Variants in HMG20A observed in about 807,000 individuals in gnomAD.
HMG20A encodes the protein high mobility group protein 20A.
A neutral mutation model predicts 43.9 loss-of-function variants in HMG20A; 17 were observed. That is an observed-to-expected ratio of 0.39 (90% CI 0.27 to 0.58). HMG20A has a LOEUF of 0.58. HMG20A is among the 20% of genes least tolerant of loss of function. The probability of loss-of-function intolerance (pLI) is 0.59; values close to 1 mark genes in which losing one functional copy is unlikely to be tolerated. For missense variants in HMG20A, 341 were observed against 438.2 expected (o/e 0.78, Z 1.98); for synonymous variants, 132 against 147.5 (o/e 0.89, Z 0.76).
intron 1 of HMG20A, among the ~76,000 whole-genome samples, chr15:77,442,086 T>C (rs2142295325): frequency 6.6e-6 from 1 of 152,350 alleles, no homozygotes; most frequent in East Asian, 1.9e-4. Context: ...AGCTTGTTAC[T>C]TTTCCTGCCA....
At chr15:77,468,990 C>T (rs2072782534) in intron 4 of HMG20A, among the ~76,000 whole-genome samples, 1 of 151,828 alleles carries the variant, frequency 6.6e-6, no homozygotes, top group African/African-American at 2.4e-5. Flanking sequence ...CCTTCTGCTT[C>T]CCCCGCTGCT....
chr15:77,450,824 A>AG (rs2073728880), intron 1 of HMG20A, among the ~76,000 whole-genome samples: 1 of 152,228 alleles, frequency 6.6e-6, no homozygotes, highest in Non-Finnish European at 1.5e-5. Context: ...CATACAATGA[A>AG]GGAGAGTTCT....
chr15:77,501,447 G>A, the HMG20A span, among the ~76,000 whole-genome samples: 1 of 152,188 alleles, frequency 6.6e-6, no homozygotes, highest in Non-Finnish European at 1.5e-5. Context: ...CTCGGCTTCT[G>A]CCATCACAGT....
intron 6 of HMG20A, among the ~76,000 whole-genome samples, chr15:77,473,651 T>G (rs2142352119): frequency 6.6e-6 from 1 of 152,368 alleles, no homozygotes; most frequent in East Asian, 1.9e-4. Context: ...TCATAGAACC[T>G]GCTGCTGATT....
chr15:77,440,667 A>G (rs1460196035), intron 1 of HMG20A, among the ~76,000 whole-genome samples: 1 of 152,186 alleles, frequency 6.6e-6, no homozygotes, highest in African/African-American at 2.4e-5. Flanking sequence ...CACTGTATTC[A>G]GGGGAAGGAA....
intron 1 of HMG20A, among the ~76,000 whole-genome samples, chr15:77,440,657 C>T (rs1310190136): frequency 6.6e-6 from 1 of 152,144 alleles, no homozygotes; most frequent in African/African-American, 2.4e-5. Context: ...CTTCCACAGT[C>T]ACTGTATTCA....
chr15:77,509,856 G>A, the HMG20A span, among the ~76,000 whole-genome samples: 1 of 150,802 alleles, frequency 6.6e-6, no homozygotes, highest in South Asian at 2.1e-4. Context: ...GCAGTGAGCA[G>A]AGATTGCACC....
intron 1 of HMG20A, among the ~76,000 whole-genome samples, chr15:77,428,095 T>C (rs1055483288): frequency 4.6e-5 from 7 of 152,242 alleles, no homozygotes; most frequent in African/African-American, 1.7e-4. Context: ...CCTGTGTTCA[T>C]AATGAAGCAT....
the HMG20A span, among the ~76,000 whole-genome samples, chr15:77,502,720 C>T: frequency 6.6e-6 from 1 of 152,222 alleles, no homozygotes; most frequent in East Asian, 1.9e-4. Flanking sequence ...GTAATCCCAG[C>T]ACTTCGAGAG....
chr15:77,451,396 C>T (rs1039851207), intron 1 of HMG20A, among the ~76,000 whole-genome samples: 3 of 152,088 alleles, frequency 2.0e-5, no homozygotes, highest in African/African-American at 7.2e-5. Context: ...AGGAGAGTTC[C>T]TGTTGCTCCG....
At chr15:77,443,373 G>T (rs76405547) in intron 1 of HMG20A, among the ~76,000 whole-genome samples, 8,921 of 121,656 alleles carry the variant, frequency 0.073, 353 homozygotes, top group Middle Eastern at 0.11. Flanking sequence ...TGATGATGAT[G>T]ATGATGATTA....
At chr15:77,429,537 A>G (rs2073462762) in intron 1 of HMG20A, among the ~76,000 whole-genome samples, 1 of 152,220 alleles carries the variant, frequency 6.6e-6, no homozygotes, top group African/African-American at 2.4e-5. Flanking sequence ...TGGCTTAATA[A>G]CAGTAGCAGT....
chr15:77,437,973 T>A (rs1238799738), intron 1 of HMG20A, among the ~76,000 whole-genome samples: 3 of 151,838 alleles, frequency 2.0e-5, no homozygotes, highest in Admixed American at 6.6e-5. Flanking sequence ...TTTGTTCGTT[T>A]TTTTGAGACA....
chr15:77,452,995 G>A (rs2072618505), intron 1 of HMG20A, among the ~76,000 whole-genome samples: 1 of 152,200 alleles, frequency 6.6e-6, no homozygotes, highest in African/African-American at 2.4e-5. Context: ...GGGAGACTGA[G>A]GTGGGTGGCA....
At chr15:77,505,876 T>C in the HMG20A span, among the ~76,000 whole-genome samples, 2 of 152,212 alleles carry the variant, frequency 1.3e-5, no homozygotes, top group African/African-American at 4.8e-5. Flanking sequence ...TACCACTCTC[T>C]TCTTGAACAG....
At chr15:77,435,220 G>T (rs759683488) in intron 1 of HMG20A, among the ~76,000 whole-genome samples, 7 of 152,110 alleles carry the variant, frequency 4.6e-5, no homozygotes, top group Non-Finnish European at 7.4e-5. Context: ...TTCTGATAAG[G>T]CTACAGGTGA....
chr15:77,431,077 GAC>G (rs1017078342), intron 1 of HMG20A, among the ~76,000 whole-genome samples: 1 of 152,098 alleles, frequency 6.6e-6, no homozygotes, highest in African/African-American at 2.4e-5. Context: ...GAGGAAAAAA[GAC>G]ACATAATCTT....
At position 77,479,207 on chromosome 15, in the gene HMG20A, C is replaced by T. The variant is rs1165539683; in HGVS notation, c.936C>T (p.Thr312=). 4 of 1,613,760 alleles carry T rather than the reference C, an allele frequency of 2.5e-6. No individual in the cohort carries two copies. The African/African-American group carries it at 5.3e-5, about 22-fold the overall frequency. The part of the protein sequence containing the change: ...PGSGETPTVD[T]IDSYMNRLHS... ...GTGGAGAGACACCTACAGTGGACACCATTGACTCATATATGAACAGACTGC... is the reference window on the plus strand; with the variant it reads ...GTGGAGAGACACCTACAGTGGACACTATTGACTCATATATGAACAGACTGC... The change falls in exon 9 of 10, where the codon ACC becomes ACT. Residue 312 remains threonine, a synonymous_variant. Coordinates refer to ENST00000336216, the MANE Select transcript of HMG20A (RefSeq NM_001304504.2).
chr15:77,426,500 A>T (rs1283784261), intron 1 of HMG20A, among the ~76,000 whole-genome samples: 4 of 152,186 alleles, frequency 2.6e-5, no homozygotes, highest in African/African-American at 9.6e-5. Context: ...GTGGAAGTGG[A>T]TTATCATAAA....
Sources: gnomAD v4.1 joint callset for allele counts (sites outside exome capture counted in the v4.1 genomes callset) on GRCh38, gnomAD v4.1.1 for gene constraint, MANE v1.5 for transcripts, NCBI Gene and HGNC (gene_info 2026-07-23, HGNC 2026-07-21) for gene names.